The following DHRS4 variants were observed in gnomAD, a reference collection of about 807,000 sequenced individuals.
DHRS4 encodes the protein dehydrogenase/reductase 4, also known as dehydrogenase/reductase SDR family member 4.
Under a neutral mutation model 28.4 loss-of-function variants are expected in DHRS4, and 20 were observed. That is an observed-to-expected ratio of 0.71 (90% CI 0.50 to 1.02). The LOEUF (loss-of-function observed/expected upper bound fraction) is 1.02. Among genes scored for constraint, DHRS4 ranks in the 50% least tolerant of loss-of-function variants. DHRS4 has a pLI of 0.00. For missense variants in DHRS4, 378 were observed against 367.2 expected (o/e 1.03, Z -0.24); for synonymous variants, 144 against 146.4 (o/e 0.98, Z 0.12).
intron 3 of DHRS4, among the ~76,000 whole-genome samples, chr14:23,964,293 A>T (rs1388821161): frequency 6.8e-6 from 1 of 146,660 alleles, no homozygotes; most frequent in Non-Finnish European, 1.5e-5. Context: ...TGTGTCTATA[A>T]CTTTTCTTTT....
In DHRS4 at chr14:23,959,915, A is replaced by G; in HGVS notation, c.320A>G (p.His107Arg). Reference protein sequence around the residue: ...ERLVATAVKLHGGIDILVSNA... With the variant: ...ERLVATAVKLRGGIDILVSNA... ...CCCTCTCTCTAGGCTGTGAAGCTTC[A>G]TGGAGGTATCGATATCCTAGTCTCC... is the stretch of plus-strand genomic sequence containing the variant. The change falls in exon 3 of 8, where the codon CAT becomes CGT. Residue 107 changes from histidine to arginine, a missense_variant. Physicochemically the swap from His to Arg is conservative, Grantham distance 29. Coordinates refer to ENST00000313250, the MANE Select transcript of DHRS4 (RefSeq NM_021004.4). 1.9e-6 allele frequency: 3 copies of G among 1,612,244 alleles called. No homozygotes were observed. Among genetic ancestry groups the G allele is most frequent in the South Asian group, 1.1e-5 (1 of 91,032 alleles).
intron 3 of DHRS4, among the ~76,000 whole-genome samples, chr14:23,960,557 T>A (rs2033377095): frequency 6.6e-6 from 1 of 152,086 alleles, no homozygotes. Context: ...GAGATCCAGA[T>A]GTCTAAATTC....
chr14:23,960,456 G>A (rs981266675), intron 3 of DHRS4, among the ~76,000 whole-genome samples: 4 of 152,024 alleles, frequency 2.6e-5, no homozygotes, highest in South Asian at 2.1e-4. Flanking sequence ...CTGGTGAAAT[G>A]ACCAGTTGCC....
chr14:23,953,851 C>G lies in DHRS4; in HGVS notation c.63C>G (p.Ser21Arg). 1.2e-6 allele frequency: 2 copies of G among 1,613,734 alleles called. No individual in the cohort carries two copies. The highest frequency in any genetic ancestry group is 8.5e-7 in the Non-Finnish European group (1 of 1,179,830). The change falls in exon 1 of 8, where the codon AGC becomes AGG. Residue 21 changes from serine to arginine, a missense_variant. Physicochemically the swap from Ser to Arg is moderately radical, Grantham distance 110 (BLOSUM62 -1). Transcript: ENST00000313250. ...CTTGGAATTCGGTGCGGATGGCCAG[C>G]TCCGGGATGACCCGCCGGGACCCGC... ...ARAWNSVRMASSGMTRRDPLA... is the reference protein window; with the variant it reads ...ARAWNSVRMARSGMTRRDPLA...
At position 23,955,078 on chromosome 14, in the gene DHRS4, C is replaced by A. The variant is rs1289238265; in HGVS notation, c.172C>A (p.His58Asn). The A allele has an allele frequency of 6.2e-7, 1 of 1,614,072 alleles. No individual in the cohort carries two copies. Among genetic ancestry groups the A allele is most frequent in the Non-Finnish European group, 8.5e-7 (1 of 1,180,004 alleles). ...CCGGCGTTTGGCCCAGGACGGGGCC[C>A]ATGTGGTCGTCAGCAGCCGGAAGCA... ...IARRLAQDGA[H>N]VVVSSRKQQN... The change falls in exon 2 of 8, where the codon CAT becomes AAT. Residue 58 changes from histidine (H) to asparagine (N), a missense_variant. Transcript: ENST00000313250.
chr14:23,955,000 A>C (rs557854878), intron 1 of DHRS4, 35 bp from the exon 2 acceptor site: 1 of 1,611,802 alleles, frequency 6.2e-7, no homozygotes, highest in Admixed American at 1.7e-5. Flanking sequence ...TCCCCTGCAC[A>C]GGCCTTAGCA....
At chr14:23,957,960 GAA>G (rs1237103528) in intron 2 of DHRS4, among the ~76,000 whole-genome samples, 1 of 151,226 alleles carries the variant, frequency 6.6e-6, no homozygotes, top group Admixed American at 6.6e-5. Flanking sequence ...CAGCAGAGTA[GAA>G]AATGTCTCCA....
intron 5 of DHRS4, 129 bp from the exon 6 acceptor site, chr14:23,966,154 C>T: frequency 6.3e-7 from 1 of 1,579,298 alleles, no homozygotes; most frequent in Non-Finnish European, 8.6e-7. Context: ...GGTTTAGCCA[C>T]AAGACAGTTC....
chr14:23,960,539 G>C (rs1308516789), intron 3 of DHRS4, among the ~76,000 whole-genome samples: 1 of 151,904 alleles, frequency 6.6e-6, no homozygotes, highest in Non-Finnish European at 1.5e-5. Flanking sequence ...GCAATGTCAA[G>C]AAAATCTGAG....
chr14:23,958,321 G>A (rs954166254), intron 2 of DHRS4, among the ~76,000 whole-genome samples: 11 of 152,154 alleles, frequency 7.2e-5, no homozygotes, highest in African/African-American at 2.2e-4. Flanking sequence ...TACATTGTTA[G>A]TAACACCCCT....
intron 6 of DHRS4, 63 bp from the exon 7 acceptor site, chr14:23,967,148 C>T (rs536143284): frequency 1.3e-5 from 20 of 1,554,676 alleles, no homozygotes; most frequent in Admixed American, 6.1e-5. Flanking sequence ...AGCAAGACTC[C>T]GTCTCTAAAA....
intron 3 of DHRS4, among the ~76,000 whole-genome samples, chr14:23,963,138 T>G (rs547407186): frequency 3.7e-5 from 4 of 108,478 alleles, no homozygotes; most frequent in African/African-American, 1.1e-4. Flanking sequence ...CAGAGTAGAT[T>G]TAGCGTAAAT....
Position 23,968,805 on chromosome 14 carries a change from T to C in DHRS4, c.771T>C (p.Ser257=), listed in dbSNP as rs1018888115. The part of the protein sequence containing the change: ...DCAGIVSFLC[S]EDASYITGET... ...CTGGCATCGTGTCTTTCCTGTGCTCTGAAGATGCCAGCTACATCACTGGGG... is the reference window on the plus strand; with the variant it reads ...CTGGCATCGTGTCTTTCCTGTGCTCCGAAGATGCCAGCTACATCACTGGGG... The change falls in exon 8 of 8, where the codon TCT becomes TCC. Residue 257 remains serine, a synonymous_variant. Transcript: ENST00000313250. 2 of 1,610,418 alleles carry C rather than the reference T, an allele frequency of 1.2e-6. No individual in the cohort carries two copies. Among genetic ancestry groups the C allele is most frequent in the Non-Finnish European group, 1.7e-6 (2 of 1,178,472 alleles).
intron 7 of DHRS4, 52 bp from the exon 8 acceptor site, chr14:23,968,705 G>C (rs2033733669): frequency 1.3e-6 from 2 of 1,597,544 alleles, no homozygotes; most frequent in African/African-American, 2.7e-5. Context: ...CCAGGTGAGG[G>C]AGGCAGAACT....
chr14:23,968,606 A>G (rs1306585146), intron 7 of DHRS4, 151 bp from the exon 8 acceptor site: 1 of 1,171,402 alleles, frequency 8.5e-7, no homozygotes, highest in East Asian at 2.6e-5. Context: ...TCCTCGTGGT[A>G]ACCCTATTTG....
At chr14:23,954,128 T>TG (rs1204002736) in intron 1 of DHRS4, 2 of 709,190 alleles carry the variant, frequency 2.8e-6, no homozygotes, top group Non-Finnish European at 4.5e-6. Flanking sequence ...CTGCTACCTC[T>TG]GGCACAACTG....
At position 23,954,996 on chromosome 14, in the gene DHRS4, G is replaced by T. The variant is rs771456214; in HGVS notation, c.129-39G>T. The T allele has an allele frequency of 6.8e-6, 11 of 1,611,840 alleles. No individual in the cohort carries two copies. In the Middle Eastern group the frequency reaches 9.9e-4, roughly 146 times the overall value. ...GCTCATACTGTCGACCTCTTCCCCT[G>T]CACAGGCCTTAGCAGTCTTTGTCTC... is the stretch of plus-strand genomic sequence containing the variant. On this transcript the variant is annotated intron_variant, in intron 1 of 7. Transcript: ENST00000313250.
At chr14:23,959,203 G>C (rs191461756) in intron 2 of DHRS4, among the ~76,000 whole-genome samples, 1 of 152,220 alleles carries the variant, frequency 6.6e-6, no homozygotes, top group Non-Finnish European at 1.5e-5. Flanking sequence ...TTCCCAAAGG[G>C]GAAGTGTAAA....
intron 2 of DHRS4, among the ~76,000 whole-genome samples, chr14:23,958,856 A>G (rs1218290729): frequency 6.6e-6 from 1 of 152,178 alleles, no homozygotes; most frequent in Admixed American, 6.5e-5. Flanking sequence ...ACACAGAATA[A>G]GCAGGCCTCC....
Sources: allele counts gnomAD v4.1 joint callset (sites outside exome capture counted in the v4.1 genomes callset), GRCh38; gene constraint gnomAD v4.1.1; transcripts MANE v1.5; gene names NCBI Gene and HGNC (gene_info 2026-07-23, HGNC 2026-07-21).